UGT3A1: variants seen among roughly 807,000 people sequenced by gnomAD.
UGT3A1 encodes the protein UDP glycosyltransferase family 3 member A1.
UGT3A1 carries 40 observed loss-of-function variants against 37.6 expected under a neutral mutation model. The observed-to-expected ratio is 1.06, with a 90% CI of 0.83 to 1.38. The LOEUF (loss-of-function observed/expected upper bound fraction) is 1.38, where lower values mean the gene tolerates loss of function less well. UGT3A1 is among the 40% of genes most tolerant of loss of function. UGT3A1 has a pLI of 0.00. For missense variants in UGT3A1, 642 were observed against 634.2 expected, an observed-to-expected ratio of 1.01 and a Z score of -0.13; for synonymous variants, 256 against 232.3, an observed-to-expected ratio of 1.10 and a Z score of -0.93.
At chr5:35,996,834 T>A (rs1741107645) in intron 2 of UGT3A1, among the ~76,000 whole-genome samples, 1 of 152,174 alleles carries the variant, frequency 6.6e-6, no homozygotes. Context: ...AAGAAAGCAG[T>A]AAAACTCCTT....
chr5:35,961,690 C>T (rs1023667956), intron 4 of UGT3A1: 6 of 152,160 alleles, frequency 3.9e-5, no homozygotes, highest in Non-Finnish European at 7.3e-5. Flanking sequence ...TCCCCCATCT[C>T]TATTGTAAAA....
At chr5:35,966,921 A>T (rs1046300080) in intron 3 of UGT3A1, among the ~76,000 whole-genome samples, 15 of 152,228 alleles carry the variant, frequency 9.9e-5, no homozygotes, top group African/African-American at 2.9e-4. Flanking sequence ...TGATTCTCTG[A>T]AATTATCCAC....
At chr5:35,998,105 C>T (rs1052018699) in intron 1 of UGT3A1, among the ~76,000 whole-genome samples, 1 of 152,180 alleles carries the variant, frequency 6.6e-6, no homozygotes, top group Non-Finnish European at 1.5e-5. Flanking sequence ...ACAACCTGAT[C>T]CCATCATGTG....
intron 2 of UGT3A1, among the ~76,000 whole-genome samples, chr5:35,968,369 C>G (rs1246195470): frequency 1.3e-5 from 2 of 152,248 alleles, no homozygotes; most frequent in East Asian, 3.9e-4. Flanking sequence ...AAAGTTTCCA[C>G]TTAAAGCTTT....
intron 2 of UGT3A1, among the ~76,000 whole-genome samples, chr5:35,983,608 T>C (rs1740616243): frequency 6.6e-6 from 1 of 151,994 alleles, no homozygotes; most frequent in South Asian, 2.1e-4. Flanking sequence ...AAAAACACTA[T>C]AGGCCAATAT....
intron 5 of UGT3A1, 119 bp downstream of exon 5, chr5:35,957,069 C>T (rs1190559624): frequency 1.3e-5 from 10 of 769,038 alleles, no homozygotes; most frequent in Non-Finnish European, 1.9e-5. Flanking sequence ...TGAGCATTAC[C>T]TTTACCTATG....
At chr5:35,954,751 T>C (rs1739289703) in intron 6 of UGT3A1, 5 of 488,194 alleles carry the variant, frequency 1.0e-5, no homozygotes, top group South Asian at 5.7e-5. Context: ...AACTAGTCCA[T>C]ATCCCTAGGA....
chr5:35,982,971 T>A (rs113493962), intron 2 of UGT3A1, among the ~76,000 whole-genome samples: 6,082 of 152,242 alleles, frequency 0.04, 400 homozygotes, highest in African/African-American at 0.14. Flanking sequence ...TCTCTCCTGC[T>A]CCACCCTGGT....
chr5:35,954,370 C>T lies in UGT3A1; in HGVS notation c.1404G>A (p.Ala468=), dbSNP rs200190501. 4.3e-4 allele frequency: 701 copies of T among 1,614,228 alleles called. 4 individuals are homozygous for T. Among genetic ancestry groups the T allele is most frequent in the Middle Eastern group, 3.3e-4 (2 of 6,062 alleles). The change falls in exon 7 of 7, where the codon GCG becomes GCA. Residue 468 remains alanine, a synonymous_variant. Coordinates refer to ENST00000274278, the MANE Select transcript of UGT3A1 (RefSeq NM_152404.4). ...GGAAGGCATAGGGCTTGAGGTGCGT[C>T]GCTCCCCCAGTCTGGAGGATGTGGT... ...WIDHILQTGG[A]THLKPYAFQQ...
chr5:35,972,870 G>T (rs1740103906), intron 2 of UGT3A1, among the ~76,000 whole-genome samples: 1 of 137,446 alleles, frequency 7.3e-6, no homozygotes, highest in African/African-American at 2.5e-5. Context: ...TGACCTGAAA[G>T]CTTCTTTGTC....
intron 3 of UGT3A1, among the ~76,000 whole-genome samples, chr5:35,966,998 T>A (rs1739833377): frequency 6.6e-6 from 1 of 152,224 alleles, no homozygotes; most frequent in South Asian, 2.1e-4. Flanking sequence ...AAATTCAATA[T>A]ATACAGTATG....
intron 2 of UGT3A1, among the ~76,000 whole-genome samples, chr5:35,975,954 A>G (rs1369682729): frequency 6.6e-6 from 1 of 152,172 alleles, no homozygotes; most frequent in Non-Finnish European, 1.5e-5. Flanking sequence ...CTAATATATG[A>G]TGTTTCTTCT....
intron 6 of UGT3A1, 87 bp from the exon 7 acceptor site, chr5:35,954,565 TACAA>T (rs2149945785): frequency 1.3e-6 from 2 of 1,486,510 alleles, no homozygotes; most frequent in Non-Finnish European, 9.1e-7. Flanking sequence ...CACACAAGCA[TACAA>T]ACACTTTTCT....
At chr5:35,979,025 C>T (rs116700057) in intron 2 of UGT3A1, among the ~76,000 whole-genome samples, 2,843 of 152,240 alleles carry the variant, frequency 0.019, 92 homozygotes, top group African/African-American at 0.065. Context: ...TGAATCCGTG[C>T]CTCACATCTG....
Position 35,991,359 on chromosome 5 carries a change from G to A in UGT3A1, c.-119C>T. On this transcript the variant is annotated 5_prime_UTR_variant, in exon 1 of 7. Transcript: ENST00000274278. The stretch of plus-strand genomic sequence containing the variant: ...TGGCTGTGGGCCTAGGAAGAGGTAG[G>A]AGACGGATCCTGCCAATTCTCTCGC... The A allele has an allele frequency of 6.6e-7, 1 of 1,511,458 alleles. No homozygotes were observed. Among genetic ancestry groups the A allele is most frequent in the African/African-American group, 1.4e-5 (1 of 71,842 alleles). The allele number at this position is 1,511,458 out of a possible 1,614,324, so 93.6% of individuals were successfully genotyped here. A position where few individuals can be genotyped will look rare whatever the true frequency, so the allele number is the denominator to read the frequency against.
At chr5:35,988,011 A>C (rs1740791715) in intron 2 of UGT3A1, among the ~76,000 whole-genome samples, 1 of 152,192 alleles carries the variant, frequency 6.6e-6, no homozygotes. Context: ...TTAGTTAATA[A>C]TTAAGAGGCT....
chr5:35,969,070 T>A (rs763183082), intron 2 of UGT3A1, among the ~76,000 whole-genome samples: 1 of 152,186 alleles, frequency 6.6e-6, no homozygotes, highest in Non-Finnish European at 1.5e-5. Context: ...ACTGGTTATG[T>A]GTCCCAATCA....
intron 1 of UGT3A1, chr5:35,997,448 G>A (rs536819868): frequency 3.4e-5 from 5 of 147,318 alleles, no homozygotes; most frequent in Non-Finnish European, 7.5e-5. Context: ...TTTTTTTTGA[G>A]ACGGAATCTC....
Position 35,991,382 on chromosome 5 carries a change from C to G in UGT3A1, c.-142G>C. On this transcript the variant is annotated 5_prime_UTR_variant, in exon 1 of 7. Coordinates refer to ENST00000274278, the MANE Select transcript of UGT3A1 (RefSeq NM_152404.4). Reference sequence around the variant, plus strand: ...AGGAGACGGATCCTGCCAATTCTCTCGCCCTTCTGTTCGTTCTCTTTCCCG... The same window carrying G: ...AGGAGACGGATCCTGCCAATTCTCTGGCCCTTCTGTTCGTTCTCTTTCCCG... The G allele has an allele frequency of 1.4e-6, 2 of 1,478,286 alleles. No homozygotes were observed. The highest frequency in any genetic ancestry group is 1.8e-4 in the Middle Eastern group (1 of 5,492). The allele number at this position is 1,478,286 out of a possible 1,614,324, so 91.6% of individuals were successfully genotyped here. A position where few individuals can be genotyped will look rare whatever the true frequency, so the allele number is the denominator to read the frequency against.
Sources: gnomAD v4.1 joint callset for allele counts (sites outside exome capture counted in the v4.1 genomes callset) on GRCh38, gnomAD v4.1.1 for gene constraint, MANE v1.5 for transcripts, NCBI Gene and HGNC (gene_info 2026-07-23, HGNC 2026-07-21) for gene names.